STIM1: variants seen among roughly 807,000 people sequenced by gnomAD.
STIM1 encodes the protein stromal interaction molecule 1.
Under a neutral mutation model 74.7 loss-of-function variants are expected in STIM1, and 25 were observed. The ratio of observed to expected loss-of-function variants is 0.33; its 90% confidence interval spans 0.24 to 0.47. The LOEUF is 0.47. Among genes scored for constraint, STIM1 ranks in the 20% least tolerant of loss-of-function variants. The pLI is 1.00. For missense variants in STIM1, 728 were observed against 920.8 expected (o/e 0.79, Z 2.71); for synonymous variants, 328 against 348.8 (o/e 0.94, Z 0.66).
At chr11:4,058,281 C>G (rs1056201032) in intron 4 of STIM1, among the ~76,000 whole-genome samples, 4 of 152,102 alleles carry the variant, frequency 2.6e-5, no homozygotes, top group Non-Finnish European at 4.4e-5. Context: ...AAATGAGAAG[C>G]CAGATCTCCT....
intron 1 of STIM1, among the ~76,000 whole-genome samples, chr11:3,885,848 C>T (rs1034231344): frequency 2.0e-5 from 3 of 152,062 alleles, no homozygotes; most frequent in African/African-American, 4.8e-5. Context: ...GTGTTGCCCA[C>T]GCTGGTGTCA....
chr11:3,891,284 T>A (rs766090560), intron 1 of STIM1, among the ~76,000 whole-genome samples: 22 of 148,730 alleles, frequency 1.5e-4, no homozygotes, highest in South Asian at 2.1e-4. Context: ...ATAAAAAAAA[T>A]TTTATTTTTC....
At chr11:4,058,340 G>A (rs191275363) in intron 4 of STIM1, among the ~76,000 whole-genome samples, 230 of 152,230 alleles carry the variant, frequency 1.5e-3, no homozygotes, top group Non-Finnish European at 2.6e-3. Context: ...TCTTACTGGT[G>A]GGCTTGATTG....
At chr11:4,053,115 C>A (rs558482171) in intron 3 of STIM1, among the ~76,000 whole-genome samples, 3 of 152,250 alleles carry the variant, frequency 2.0e-5, no homozygotes, top group East Asian at 3.9e-4. Flanking sequence ...AAATAGGAAC[C>A]CTTTTACACT....
chr11:4,020,655 C>T (rs1332867770), intron 2 of STIM1, among the ~76,000 whole-genome samples: 1 of 151,914 alleles, frequency 6.6e-6, no homozygotes, highest in East Asian at 1.9e-4. Context: ...GTGGCATGAT[C>T]ACAACTCACT....
intron 2 of STIM1, among the ~76,000 whole-genome samples, chr11:3,997,475 C>T (rs190454083): frequency 2.0e-5 from 3 of 152,000 alleles, no homozygotes; most frequent in East Asian, 1.9e-4. Flanking sequence ...AGCAATATAT[C>T]GAAACCCTGT....
chr11:3,869,385 G>A (rs2090992819), intron 1 of STIM1, among the ~76,000 whole-genome samples: 1 of 152,142 alleles, frequency 6.6e-6, no homozygotes, highest in South Asian at 2.1e-4. Flanking sequence ...TTGGTTCAGT[G>A]CCCTGTGATT....
chr11:3,899,913 G>T (rs1398021841), intron 1 of STIM1, among the ~76,000 whole-genome samples: 8 of 151,926 alleles, frequency 5.3e-5, no homozygotes, highest in Non-Finnish European at 8.8e-5. Flanking sequence ...ACTGGATTCG[G>T]TTTGCCAGTA....
At chr11:3,897,482 C>A (rs893254111) in intron 1 of STIM1, among the ~76,000 whole-genome samples, 8 of 151,848 alleles carry the variant, frequency 5.3e-5, no homozygotes, top group Non-Finnish European at 1.0e-4. Context: ...TTGTACAGTG[C>A]TTTTTGTTTG....
At chr11:4,000,024 G>T (rs905301061) in intron 2 of STIM1, among the ~76,000 whole-genome samples, 4 of 152,120 alleles carry the variant, frequency 2.6e-5, no homozygotes, top group Non-Finnish European at 5.9e-5. Flanking sequence ...CGGCAGCGAG[G>T]CTGGGGGAGG....
intron 2 of STIM1, among the ~76,000 whole-genome samples, chr11:3,970,846 A>T (rs376876410): frequency 5.9e-5 from 9 of 152,318 alleles, no homozygotes; most frequent in African/African-American, 2.2e-4. Flanking sequence ...ATTCATTTTT[A>T]CTGCATCTTT....
intron 1 of STIM1, chr11:3,892,603 A>G: frequency 1.2e-6 from 2 of 1,603,046 alleles, no homozygotes; most frequent in African/African-American, 1.3e-5. Context: ...ACAAGATGCC[A>G]GGACCTGTAT....
intron 1 of STIM1, among the ~76,000 whole-genome samples, chr11:3,865,887 GC>G (rs2090836321): frequency 6.6e-6 from 1 of 152,196 alleles, no homozygotes; most frequent in Admixed American, 6.6e-5. Context: ...GCTAGAGCAG[GC>G]AAGACTTGAA....
At chr11:3,997,417 A>G (rs2093672662) in intron 2 of STIM1, among the ~76,000 whole-genome samples, 1 of 152,190 alleles carries the variant, frequency 6.6e-6, no homozygotes, top group Non-Finnish European at 1.5e-5. Context: ...GCTACTTGGG[A>G]GGCTGAGGTG....
At chr11:3,867,001 C>T (rs1363678260) in intron 1 of STIM1, 1 of 151,890 alleles carries the variant, frequency 6.6e-6, no homozygotes. Context: ...GAGTATGTGC[C>T]CAGTAGATAT....
At chr11:3,939,198 A>G (rs1045568658) in intron 1 of STIM1, among the ~76,000 whole-genome samples, 14 of 152,228 alleles carry the variant, frequency 9.2e-5, no homozygotes, top group Non-Finnish European at 1.8e-4. Flanking sequence ...GAGGATATAC[A>G]CTTAGACAGT....
At chr11:4,090,837 G>A (rs992628518) in intron 12 of STIM1, among the ~76,000 whole-genome samples, 1 of 152,208 alleles carries the variant, frequency 6.6e-6, no homozygotes, top group Non-Finnish European at 1.5e-5. Flanking sequence ...TTCACCACTG[G>A]TGGGGCCCAG....
intron 1 of STIM1, among the ~76,000 whole-genome samples, chr11:3,953,668 C>T (rs557725893): frequency 6.6e-6 from 1 of 152,158 alleles, no homozygotes; most frequent in African/African-American, 2.4e-5. Context: ...CCTCCAAATC[C>T]CCTTCAATTC....
intron 3 of STIM1, among the ~76,000 whole-genome samples, chr11:4,042,104 G>A (rs1172273336): frequency 6.6e-6 from 1 of 152,130 alleles, no homozygotes; most frequent in Non-Finnish European, 1.5e-5. Flanking sequence ...ATACTGATTC[G>A]GGAATCCATT....
Sources: allele counts gnomAD v4.1 joint callset (sites outside exome capture counted in the v4.1 genomes callset), GRCh38; gene constraint gnomAD v4.1.1; transcripts MANE v1.5; gene names NCBI Gene and HGNC (gene_info 2026-07-23, HGNC 2026-07-21).